TAF3: variants seen among roughly 807,000 people sequenced by gnomAD.
TAF3 encodes transcription initiation factor TFIID subunit 3.
In TAF3, 7 loss-of-function variants were observed where a neutral mutation model predicts 80.6. The observed-to-expected ratio is 0.09, with a 90% CI of 0.05 to 0.16. The LOEUF (loss-of-function observed/expected upper bound fraction) is 0.16. TAF3 is among the 10% of genes least tolerant of loss of function. The pLI, the probability that TAF3 is intolerant of heterozygous loss-of-function variation, is 1.00. For synonymous variants in TAF3, 444 were observed against 446.1 expected, an observed-to-expected ratio of 1.00 and a Z score of 0.06; for missense variants, 921 against 1,140.2, an observed-to-expected ratio of 0.81 and a Z score of 2.77.
chr10:7,997,089 A>G (rs768113080), intron 4 of TAF3, among the ~76,000 whole-genome samples: 2 of 152,180 alleles, frequency 1.3e-5, no homozygotes, highest in Non-Finnish European at 2.9e-5. Flanking sequence ...TGAAGAAGAA[A>G]AGTAAGTTTT....
chr10:7,861,206 C>T (rs1024107308), intron 2 of TAF3, among the ~76,000 whole-genome samples: 11 of 152,096 alleles, frequency 7.2e-5, no homozygotes, highest in African/African-American at 2.2e-4. Context: ...CCTCGTGATC[C>T]GCCCGTCTTG....
intron 2 of TAF3, among the ~76,000 whole-genome samples, chr10:7,842,720 TC>T (rs1413554516): frequency 6.6e-6 from 1 of 152,176 alleles, no homozygotes; most frequent in East Asian, 1.9e-4. Context: ...ATCTGTTATT[TC>T]CTCTTCCAAG....
At position 7,898,722 on chromosome 10, in the gene TAF3, C is replaced by G. The variant is rs187599052; in HGVS notation, c.410-65198C>G. ...AAGAAAGAGGTAGACTCTCTTTAAG[C>G]TCTTCAGACAATTAATGTTTTTTCC... On this transcript the variant is annotated intron_variant, in intron 2 of 6. Coordinates refer to ENST00000344293, the MANE Select transcript of TAF3 (RefSeq NM_031923.4). 9.2e-5 allele frequency among the ~76,000 whole-genome samples: 14 copies of G among 152,198 alleles called. No individual in the cohort carries two copies. In the East Asian group the frequency reaches 2.7e-3, roughly 29 times the overall value.
intron 2 of TAF3, among the ~76,000 whole-genome samples, chr10:7,943,198 C>T (rs1052915179): frequency 2.0e-5 from 3 of 152,208 alleles, no homozygotes; most frequent in African/African-American, 7.2e-5. Context: ...TTGCCGTTGC[C>T]TTGAATGAAA....
chr10:7,878,970 C>T (rs553687631), intron 2 of TAF3, among the ~76,000 whole-genome samples: 6 of 152,036 alleles, frequency 3.9e-5, no homozygotes, highest in Admixed American at 2.6e-4. Context: ...TCAAGCAATC[C>T]GCTCACCTCA....
chr10:7,898,710 A>T (rs140509166), intron 2 of TAF3, among the ~76,000 whole-genome samples: 1 of 151,772 alleles, frequency 6.6e-6, no homozygotes, highest in East Asian at 1.9e-4. Context: ...AAAGAGGTAG[A>T]CTCTCTTTAA....
intron 2 of TAF3, among the ~76,000 whole-genome samples, chr10:7,843,209 G>A (rs1325619500): frequency 6.6e-6 from 1 of 151,986 alleles, no homozygotes; most frequent in Non-Finnish European, 1.5e-5. Flanking sequence ...CCAGACTCAA[G>A]CAATCCTCCC....
chr10:7,845,245 A>G (rs1286513360), intron 2 of TAF3, among the ~76,000 whole-genome samples: 1 of 152,142 alleles, frequency 6.6e-6, no homozygotes, highest in East Asian at 1.9e-4. Context: ...ACTACCAAAA[A>G]AAAAAAATCT....
At chr10:7,884,559 G>A (rs1000629856) in intron 2 of TAF3, among the ~76,000 whole-genome samples, 43 of 151,944 alleles carry the variant, frequency 2.8e-4, no homozygotes, top group African/African-American at 9.4e-4. Context: ...GCTAATTTTT[G>A]TATTTTTTAG....
intron 2 of TAF3, among the ~76,000 whole-genome samples, chr10:7,889,745 C>G (rs147305482): frequency 2.6e-5 from 4 of 152,204 alleles, no homozygotes; most frequent in Non-Finnish European, 5.9e-5. Flanking sequence ...GAAATAGCCT[C>G]GTCTTGTGTC....
chr10:7,924,361 A>T (rs1837795449), intron 2 of TAF3, among the ~76,000 whole-genome samples: 1 of 152,200 alleles, frequency 6.6e-6, no homozygotes. Context: ...TCTGAGTAGT[A>T]TGGGCTTTTT....
chr10:7,907,592 C>T (rs1173885436), intron 2 of TAF3, among the ~76,000 whole-genome samples: 1 of 152,172 alleles, frequency 6.6e-6, no homozygotes, highest in South Asian at 2.1e-4. Flanking sequence ...AATACAATAG[C>T]CAGAAGTTTG....
intron 2 of TAF3, among the ~76,000 whole-genome samples, chr10:7,894,815 C>T (rs955727337): frequency 2.0e-5 from 3 of 152,066 alleles, no homozygotes; most frequent in Admixed American, 1.3e-4. Context: ...CTGAAGATGC[C>T]TCCAACTTTT....
intron 2 of TAF3, among the ~76,000 whole-genome samples, chr10:7,933,770 G>T (rs1011061989): frequency 6.6e-6 from 1 of 152,186 alleles, no homozygotes; most frequent in African/African-American, 2.4e-5. Flanking sequence ...TACAGAAAAA[G>T]AATGTACAAT....
chr10:7,937,052 T>G (rs777624744), intron 2 of TAF3, among the ~76,000 whole-genome samples: 12 of 152,238 alleles, frequency 7.9e-5, no homozygotes, highest in Non-Finnish European at 1.6e-4. Flanking sequence ...AATATTCCGT[T>G]GTCTGAATGT....
chr10:7,946,537 G>A lies in TAF3; in HGVS notation c.410-17383G>A, dbSNP rs998582891. On this transcript the variant is annotated intron_variant, in intron 2 of 6. Transcript: ENST00000344293. ...TCAGAAGTTTGAGACCAGCCTGGGC[G>A]ACGTGGCCAAACCTCGTCTGTATGA... Among the ~76,000 whole-genome samples the A allele has an allele frequency of 2.0e-5, 3 of 152,284 alleles. No homozygotes were observed. The East Asian group carries it at 5.8e-4, about 29-fold the overall frequency.
At chr10:7,957,171 A>G (rs1267686454) in intron 2 of TAF3, among the ~76,000 whole-genome samples, 1 of 152,218 alleles carries the variant, frequency 6.6e-6, no homozygotes, top group Non-Finnish European at 1.5e-5. Context: ...GCCTTTAGGG[A>G]CATGAGCATT....
In TAF3 at chr10:7,857,456, G is replaced by T. The variant is rs549008622; in HGVS notation, c.409+32896G>T. Among the ~76,000 whole-genome samples the T allele has an allele frequency of 9.2e-5, 14 of 152,346 alleles. No homozygotes were observed. In the South Asian group the frequency reaches 2.5e-3, roughly 27 times the overall value. On this transcript the variant is annotated intron_variant, in intron 2 of 6. Coordinates refer to ENST00000344293, the MANE Select transcript of TAF3 (RefSeq NM_031923.4). ...AAGTTGGCAGGACGCCTACAGAGTA[G>T]CCATGGGTACCCCCAGAGAGGAAGG... is the stretch of plus-strand genomic sequence containing the variant.
chr10:7,857,857 ACT>A (rs1299081895), intron 2 of TAF3, among the ~76,000 whole-genome samples: 1 of 151,068 alleles, frequency 6.6e-6, no homozygotes, highest in East Asian at 1.9e-4. Flanking sequence ...TTGGGAAGAA[ACT>A]CTCTTGATTT....
Sources: allele counts gnomAD v4.1 joint callset (sites outside exome capture counted in the v4.1 genomes callset), GRCh38; gene constraint gnomAD v4.1.1; transcripts MANE v1.5; gene names NCBI Gene and HGNC (gene_info 2026-07-23, HGNC 2026-07-21).